Variants in TLN2 observed in about 807,000 individuals in gnomAD.
The protein encoded by TLN2 is talin-2.
TLN2 carries 118 observed loss-of-function variants against 294.7 expected under a neutral mutation model. The ratio of observed to expected loss-of-function variants is 0.40; its 90% CI spans 0.34 to 0.47. The LOEUF (loss-of-function observed/expected upper bound fraction) is 0.47, where lower values mean the gene tolerates loss of function less well. Among genes scored for constraint, TLN2 ranks in the 20% least tolerant of loss-of-function variants. TLN2 has a pLI of 0.84. For missense variants in TLN2, 3,083 were observed against 3,282.2 expected (o/e 0.94, Z 1.48); for synonymous variants, 1,431 against 1,304.5 (o/e 1.10, Z -2.09).
chr15:62,825,755 A>ATATTATATATTAT lies in TLN2; in HGVS notation c.7002+5145_7002+5146insTATTATATATTAT, dbSNP rs1167236788. On this transcript the variant is annotated intron_variant, in intron 54 of 58. Coordinates refer to ENST00000636159, the MANE Select transcript of TLN2 (RefSeq NM_015059.3). ...ATATATTTTTATATATATTAAATAT[A>ATATTATATATTAT]ATTATAATTATATATTATATAATAT... is the stretch of plus-strand genomic sequence containing the variant. Among the ~76,000 whole-genome samples the ATATTATATATTAT allele has an allele frequency of 1.3e-4, 13 of 103,176 alleles. 3 individuals carry two copies. Among genetic ancestry groups the ATATTATATATTAT allele is most frequent in the African/African-American group, 6.1e-4 (13 of 21,142 alleles). The allele number at this position is 103,176 out of a possible 152,430, so 67.7% of individuals were successfully genotyped here.
At chr15:62,762,843 C>G (rs1385797352) in intron 39 of TLN2, among the ~76,000 whole-genome samples, 1 of 152,106 alleles carries the variant, frequency 6.6e-6, no homozygotes, top group African/African-American at 2.4e-5. Flanking sequence ...CATTGAGCAC[C>G]GTTGTTTATT....
chr15:62,599,362 A>T (rs960151534), intron 2 of TLN2, among the ~76,000 whole-genome samples: 14 of 152,316 alleles, frequency 9.2e-5, no homozygotes, highest in Middle Eastern at 3.4e-3. Context: ...ACTTACAGTG[A>T]TCTCACTGTG....
At chr15:62,501,769 C>A (rs1292153487) in intron 1 of TLN2, among the ~76,000 whole-genome samples, 11 of 152,328 alleles carry the variant, frequency 7.2e-5, no homozygotes, top group Non-Finnish European at 1.5e-4. Context: ...CATGCTCTGA[C>A]TAATGAAGGC....
At chr15:62,694,662 G>T (rs375582681) in intron 14 of TLN2, among the ~76,000 whole-genome samples, 2 of 152,184 alleles carry the variant, frequency 1.3e-5, no homozygotes, top group African/African-American at 2.4e-5. Flanking sequence ...CATGAGTCCT[G>T]TTCTGCATTT....
At chr15:62,598,261 G>A (rs1366053836) in intron 2 of TLN2, among the ~76,000 whole-genome samples, 1 of 152,202 alleles carries the variant, frequency 6.6e-6, no homozygotes, top group African/African-American at 2.4e-5. Flanking sequence ...GGATCCTGGG[G>A]CAGGCTGAGA....
chr15:62,410,578 A>C (rs1024259086), intron 1 of TLN2, among the ~76,000 whole-genome samples: 2 of 152,326 alleles, frequency 1.3e-5, no homozygotes, highest in Admixed American at 1.3e-4. Flanking sequence ...TCTGTTTCAT[A>C]CTTGTTTGAA....
At chr15:62,777,395 G>A (rs1378785524) in intron 43 of TLN2, among the ~76,000 whole-genome samples, 1 of 152,026 alleles carries the variant, frequency 6.6e-6, no homozygotes, top group Non-Finnish European at 1.5e-5. Flanking sequence ...AATTAGCCGG[G>A]CATGGTTGCG....
chr15:62,823,787 C>T (rs552278820), intron 54 of TLN2, among the ~76,000 whole-genome samples: 6 of 152,266 alleles, frequency 3.9e-5, no homozygotes, highest in Admixed American at 2.6e-4. Context: ...TGTCAGTGAG[C>T]GCTGGTGCAT....
At chr15:62,651,446 A>G (rs58314602) in intron 5 of TLN2, among the ~76,000 whole-genome samples, 2 of 152,342 alleles carry the variant, frequency 1.3e-5, no homozygotes, top group East Asian at 3.8e-4. Flanking sequence ...AATTTTTCAT[A>G]AGAAAATTAT....
At position 62,787,643 on chromosome 15, in the gene TLN2, T is replaced by G. The variant is rs551359585; in HGVS notation, c.5736+3753T>G. ...CACCCTGTGGGCTGGTCATATTTAC[T>G]GAGAAGCTCACTATTGCATGGAGAA... On this transcript the variant is annotated intron_variant, in intron 45 of 58. Coordinates refer to ENST00000636159, the MANE Select transcript of TLN2 (RefSeq NM_015059.3). Among the ~76,000 whole-genome samples, 18 of 151,930 alleles carry G rather than the reference T, an allele frequency of 1.2e-4. No homozygotes were observed. The South Asian group carries it at 3.5e-3, about 30-fold the overall frequency.
At chr15:62,610,016 TATA>T (rs1445742440) in intron 2 of TLN2, among the ~76,000 whole-genome samples, 1 of 152,218 alleles carries the variant, frequency 6.6e-6, no homozygotes, top group Non-Finnish European at 1.5e-5. Flanking sequence ...TACTTTCTGG[TATA>T]ATAAGACCTA....
intron 1 of TLN2, among the ~76,000 whole-genome samples, chr15:62,557,019 T>TTGA (rs2042643274): frequency 6.6e-6 from 1 of 152,190 alleles, no homozygotes; most frequent in Admixed American, 6.5e-5. Context: ...CAAAAACAGA[T>TTGA]TCTCATATTT....
chr15:62,825,195 A>G (rs371733720), intron 54 of TLN2, among the ~76,000 whole-genome samples: 11 of 152,164 alleles, frequency 7.2e-5, no homozygotes, highest in African/African-American at 2.4e-4. Flanking sequence ...TGCTGCCCCA[A>G]TCAGTCCCTC....
At chr15:62,419,470 A>G (rs773384340) in intron 1 of TLN2, among the ~76,000 whole-genome samples, 2 of 152,154 alleles carry the variant, frequency 1.3e-5, no homozygotes, top group Non-Finnish European at 2.9e-5. Flanking sequence ...TACATTATGT[A>G]TCAGAGCTGC....
At chr15:62,498,621 G>A (rs186984589) in intron 1 of TLN2, among the ~76,000 whole-genome samples, 34 of 152,272 alleles carry the variant, frequency 2.2e-4, no homozygotes, top group Admixed American at 1.6e-3. Flanking sequence ...TGGGGTCACC[G>A]TAAGTCTGAT....
At chr15:62,557,687 A>G (rs1041445061) in intron 1 of TLN2, among the ~76,000 whole-genome samples, 1 of 151,962 alleles carries the variant, frequency 6.6e-6, no homozygotes, top group Non-Finnish European at 1.5e-5. Flanking sequence ...GATTACAGGC[A>G]CCCGCCACCA....
intron 57 of TLN2, 132 bp downstream of exon 57, chr15:62,836,205 T>C: frequency 7.9e-7 from 1 of 1,269,970 alleles, no homozygotes; most frequent in Non-Finnish European, 1.1e-6. Flanking sequence ...CGTTCCAGCC[T>C]CATCTACTGC....
At chr15:62,783,729 G>C (rs762681421) in intron 44 of TLN2, 42 bp from the exon 45 acceptor site, 820 of 640,822 alleles carry the variant, frequency 1.3e-3, no homozygotes, top group East Asian at 3.3e-3. Context: ...CTCTGTGTGT[G>C]TGTGTGTGTG....
intron 1 of TLN2, among the ~76,000 whole-genome samples, chr15:62,457,437 A>G (rs2036549227): frequency 6.6e-6 from 1 of 152,198 alleles, no homozygotes; most frequent in Admixed American, 6.5e-5. Context: ...TTGGAGGGAC[A>G]TGATTGAGTT....
Sources: allele counts gnomAD v4.1 joint callset (sites outside exome capture counted in the v4.1 genomes callset), GRCh38; gene constraint gnomAD v4.1.1; transcripts MANE v1.5; gene names NCBI Gene and HGNC (gene_info 2026-07-23, HGNC 2026-07-21).